IFFO1: variants seen among roughly 807,000 people sequenced by gnomAD.
IFFO1 encodes intermediate filament family orphan 1.
IFFO1 carries 42 observed loss-of-function variants against 59.6 expected under a neutral mutation model. The ratio of observed to expected loss-of-function variants is 0.70; its 90% CI spans 0.55 to 0.91. IFFO1 has a LOEUF of 0.91. IFFO1 is among the 40% of genes least tolerant of loss of function. IFFO1 has a pLI of 0.00. For synonymous variants in IFFO1, 336 were observed against 342.8 expected (o/e 0.98, Z 0.22); for missense variants, 711 against 793.2 (o/e 0.90, Z 1.24).
intron 8 of IFFO1, chr12:6,543,444 T>C (rs1387526515): frequency 6.6e-6 from 1 of 152,216 alleles, no homozygotes; most frequent in Admixed American, 6.5e-5. Flanking sequence ...GCGGCGGCAT[T>C]AGATTCTCAC....
chr12:6,540,519 G>A lies in IFFO1; in HGVS notation c.1680C>T (p.Ser560=), dbSNP rs201420908. 1.2e-5 allele frequency: 20 copies of A among 1,613,964 alleles called. No individual in the cohort carries two copies. The highest frequency in any genetic ancestry group is 6.8e-6 in the Non-Finnish European group (8 of 1,180,036). Reference sequence around the variant, plus strand: ...AGCTGTCAGATGAGACATCGCGATCGGAGTCCTCAGCCTCGCTTGGCGGCG... The same window carrying A: ...AGCTGTCAGATGAGACATCGCGATCAGAGTCCTCAGCCTCGCTTGGCGGCG... ...PPPPPSEAED[S]DRDVSSDSSM... The change falls in exon 10 of 10, where the codon TCC becomes TCT. Residue 560 remains serine, a synonymous_variant. Transcript: ENST00000619571.
intron 1 of IFFO1, chr12:6,551,667 T>C (rs1249099952): frequency 4.9e-6 from 2 of 408,872 alleles, no homozygotes. Flanking sequence ...CACAGCAGCA[T>C]GACAGCAGTG....
chr12:6,549,680 C>A lies in IFFO1; in HGVS notation c.1071+76G>T. ...CTCCCCAAGCAGGAGGCAGGGCCTG[C>A]GTTCCAGGCCAGCCGCCACGGAAGC... On this transcript the variant is annotated intron_variant, in intron 4 of 9. Coordinates refer to ENST00000619571, the MANE Select transcript of IFFO1 (RefSeq NM_001193457.2). The surrounding 1 kb of genome is among the most constrained non-coding windows in gnomAD (Gnocchi z 5.0). 2 of 1,534,610 alleles carry A rather than the reference C, an allele frequency of 1.3e-6. No individual in the cohort carries two copies. Among genetic ancestry groups the A allele is most frequent in the Non-Finnish European group, 1.8e-6 (2 of 1,122,678 alleles).
Position 6,541,788 on chromosome 12 carries a change from A to C in IFFO1, c.1480-146T>G, listed in dbSNP as rs1435159447. On this transcript the variant is annotated intron_variant, in intron 8 of 9. Coordinates refer to ENST00000619571, the MANE Select transcript of IFFO1 (RefSeq NM_001193457.2). This position sits in a 1 kb window ranked among gnomAD's most constrained non-coding sequence, Gnocchi z 4.8. ...TACTGAAGGCTCAGATTTTAAAATA[A>C]ACCAGACCAAGGCAGAAGGCAGCGA... The C allele has an allele frequency of 2.2e-6, 2 of 925,496 alleles. No individual in the cohort carries two copies. Among genetic ancestry groups the C allele is most frequent in the Non-Finnish European group, 3.3e-6 (2 of 609,020 alleles). The allele number at this position is 925,496 out of a possible 1,614,324, so 57.3% of individuals were successfully genotyped here.
rs1592215530 is a variant in IFFO1 at position 6,548,951 on chromosome 12, G to C, written c.1081-102C>G. On this transcript the variant is annotated intron_variant, in intron 5 of 9. Transcript: ENST00000619571. This position sits in a 1 kb window ranked among gnomAD's most constrained non-coding sequence, Gnocchi z 6.1. ...GAAGCATGAACCAGTAGGAAGGGGG[G>C]GCAGACAGAGAGAAAAGTCACAGTT... is the stretch of plus-strand genomic sequence containing the variant. 1.1e-6 allele frequency: 1 copy of C among 935,318 alleles called. No individual in the cohort carries two copies. The highest frequency in any genetic ancestry group is 2.5e-5 in the Admixed American group (1 of 39,770). 57.9% of individuals were successfully genotyped at this position (935,318 alleles called of 1,614,324 possible).
In IFFO1 at chr12:6,542,727, T is replaced by C. The variant is rs1037469954; in HGVS notation, c.1480-1085A>G. Among the ~76,000 whole-genome samples the C allele has an allele frequency of 3.3e-5, 5 of 152,084 alleles. No homozygotes were observed. In the East Asian group the frequency reaches 5.8e-4, roughly 18 times the overall value. ...ATCCACAGCTGGGGCCCCACAGTAG[T>C]GGGAGGAGCAGGACACGGTGACTGT... On this transcript the variant is annotated intron_variant, in intron 8 of 9. Coordinates refer to ENST00000619571, the MANE Select transcript of IFFO1 (RefSeq NM_001193457.2).
chr12:6,540,434 G>A lies in IFFO1; in HGVS notation c.*49C>T, dbSNP rs991405270. The A allele has an allele frequency of 2.1e-6, 3 of 1,462,670 alleles. No individual in the cohort carries two copies. The highest frequency in any genetic ancestry group is 2.3e-5 in the South Asian group (2 of 88,084). 90.6% of individuals were successfully genotyped at this position (1,462,670 alleles called of 1,614,324 possible). On this transcript the variant is annotated 3_prime_UTR_variant, in exon 10 of 10. Coordinates refer to ENST00000619571, the MANE Select transcript of IFFO1 (RefSeq NM_001193457.2). ...TCTGTGCAGCCCCACCCTCTGCCTC[G>A]CTGAGCTCCCTGCTGCGAGGGCCTC...
At position 6,541,519 on chromosome 12, in the gene IFFO1, C is replaced by T. The variant is rs2136090693; in HGVS notation, c.1603G>A (p.Gly535Arg). The T allele has an allele frequency of 6.2e-7, 1 of 1,613,922 alleles. No individual in the cohort carries two copies. The highest frequency in any genetic ancestry group is 2.2e-5 in the East Asian group (1 of 44,888). Residue 535 changes from glycine (G) to arginine (R), a missense_variant, in exon 9 of 10, where the codon GGA (glycine) becomes AGA (arginine). Physicochemically the swap from Gly to Arg is moderately radical, Grantham distance 125 (BLOSUM62 -2). Coordinates refer to ENST00000619571, the MANE Select transcript of IFFO1 (RefSeq NM_001193457.2). This position sits in a 1 kb window ranked among gnomAD's most constrained non-coding sequence, Gnocchi z 4.8. The stretch of plus-strand genomic sequence containing the variant: ...CCCAGGGGAGGCGCCTACCGGTCTC[C>T]AGACTGGGTGATGAGCCGGCGGCAG... Reference protein sequence around the residue: ...ETCRRLITQSGDRKSPAFTAV... With the variant: ...ETCRRLITQSRDRKSPAFTAV...
intron 1 of IFFO1, among the ~76,000 whole-genome samples, chr12:6,553,031 C>A (rs1947301055): frequency 2.0e-5 from 3 of 152,166 alleles, no homozygotes; most frequent in African/African-American, 4.8e-5. Flanking sequence ...AGGTCACGCA[C>A]AAGGCAGGGG....
intron 8 of IFFO1, among the ~76,000 whole-genome samples, chr12:6,545,396 A>G (rs1474990795): frequency 1.3e-5 from 2 of 151,632 alleles, no homozygotes; most frequent in East Asian, 3.9e-4. Flanking sequence ...GAGTGGCCTG[A>G]TAAAATCTCA....
At position 6,555,275 on chromosome 12, in the gene IFFO1, C is replaced by T; in HGVS notation, c.755G>A (p.Arg252Gln). Residue 252 changes from arginine (R) to glutamine (Q), a missense_variant, in exon 1 of 10, where the codon CGG becomes CAG. By Grantham distance (43) the Arg-to-Gln change is conservative. Coordinates refer to ENST00000619571, the MANE Select transcript of IFFO1 (RefSeq NM_001193457.2). The surrounding 1 kb of genome is among the most constrained non-coding windows in gnomAD (Gnocchi z 8.6). ...TCCCTACCTCCGCTTGTACTCGTCCCGCTCCCGCTTCACTTTGGCCAGCAC... is the reference window on the plus strand; with the variant it reads ...TCCCTACCTCCGCTTGTACTCGTCCTGCTCCCGCTTCACTTTGGCCAGCAC... ...YNVLAKVKRE[R>Q]DEYKRRWEEE... The T allele has an allele frequency of 6.2e-7, 1 of 1,614,194 alleles. No individual in the cohort carries two copies. The highest frequency in any genetic ancestry group is 8.5e-7 in the Non-Finnish European group (1 of 1,180,018).
Position 6,550,005 on chromosome 12 carries a change from T to C in IFFO1, c.931-109A>G. Reference sequence around the variant, plus strand: ...TCCCACCACATTGCACCGGTGCCTCTTCTGTGGAGTCTCCCTGAGCTGACT... The same window carrying C: ...TCCCACCACATTGCACCGGTGCCTCCTCTGTGGAGTCTCCCTGAGCTGACT... On this transcript the variant is annotated intron_variant, in intron 3 of 9. Transcript: ENST00000619571. The C allele has an allele frequency of 2.5e-6, 3 of 1,202,998 alleles. No individual in the cohort carries two copies. In the South Asian group the frequency reaches 4.4e-5, roughly 18 times the overall value. 74.5% of individuals were successfully genotyped at this position (1,202,998 alleles called of 1,614,324 possible).
chr12:6,551,847 G>T lies in IFFO1; in HGVS notation c.774-846C>A, dbSNP rs112380355. 123 of 292,934 alleles carry T rather than the reference G, an allele frequency of 4.2e-4. 1 individual carries two copies. Among genetic ancestry groups the T allele is most frequent in the Admixed American group, 1.7e-3 (38 of 22,908 alleles). The allele number at this position is 292,934 out of a possible 1,614,324, so 18.1% of individuals were successfully genotyped here. On this transcript the variant is annotated intron_variant, in intron 1 of 9. Transcript: ENST00000619571. Reference sequence around the variant, plus strand: ...GGCCGGACGACACCCTGGGCCACAGGGCAGGGTCCTAGGTAGGGCATGCTT... The same window carrying T: ...GGCCGGACGACACCCTGGGCCACAGTGCAGGGTCCTAGGTAGGGCATGCTT...
rs369387110 is a variant in IFFO1, at chr12:6,548,524, G to A, written c.1284C>T (p.Asp428=). The A allele has an allele frequency of 1.2e-5, 20 of 1,613,654 alleles. No individual in the cohort carries two copies. Among genetic ancestry groups the A allele is most frequent in the South Asian group, 2.2e-5 (2 of 91,064 alleles). The part of the protein sequence containing the change: ...LNQLREYDFE[D]DCDSLTWEET... Reference sequence around the variant, plus strand: ...CCTCCCAAGTCAGGCTGTCACAGTCGTCCTCAAAATCATACTCCCTCCTAG... The same window carrying A: ...CCTCCCAAGTCAGGCTGTCACAGTCATCCTCAAAATCATACTCCCTCCTAG... Residue 428 remains aspartate, a synonymous_variant, in exon 7 of 10, where the codon GAC becomes GAT. Transcript: ENST00000619571. This position sits in a 1 kb window ranked among gnomAD's most constrained non-coding sequence, Gnocchi z 6.1.
Position 6,555,684 on chromosome 12 carries a change from G to A in IFFO1, c.346C>T (p.Arg116Trp), listed in dbSNP as rs202133635. ...QQALEEGKQG[R>W]RGLGRRDQAV... Reference sequence around the variant, plus strand: ...TGGTCGCGACGACCCAGGCCCCGCCGGCCCTGCTTACCCTCCTCCAGCGCT... The same window carrying A: ...TGGTCGCGACGACCCAGGCCCCGCCAGCCCTGCTTACCCTCCTCCAGCGCT... The change falls in exon 1 of 10, where the codon CGG becomes TGG. Residue 116 changes from arginine (R) to tryptophan (W), a missense_variant. Physicochemically the swap from Arg to Trp is moderately radical, Grantham distance 101. This residue lies in a region of IFFO1 where 579 missense variants were observed against 650.3 expected (regional missense o/e 0.89). Transcript: ENST00000619571. This position sits in a 1 kb window ranked among gnomAD's most constrained non-coding sequence, Gnocchi z 8.6. 110 of 1,609,630 alleles carry A rather than the reference G, an allele frequency of 6.8e-5. 1 individual carries two copies. The Admixed American group carries it at 8.0e-4, about 12-fold the overall frequency.
At position 6,549,603 on chromosome 12, in the gene IFFO1, T is replaced by C; in HGVS notation, c.1072-119A>G. On this transcript the variant is annotated intron_variant, in intron 4 of 9. Coordinates refer to ENST00000619571, the MANE Select transcript of IFFO1 (RefSeq NM_001193457.2). The surrounding 1 kb of genome is among the most constrained non-coding windows in gnomAD (Gnocchi z 5.0). ...GCTTCCACGATGCCCCTCCTGATGC[T>C]GCTCCTTACCCCCCAGTCTAGCCCC... The C allele has an allele frequency of 7.5e-7, 1 of 1,337,730 alleles. No homozygotes were observed. Among genetic ancestry groups the C allele is most frequent in the Non-Finnish European group, 1.1e-6 (1 of 940,476 alleles). The allele number at this position is 1,337,730 out of a possible 1,614,324, so 82.9% of individuals were successfully genotyped here. A position where few individuals can be genotyped will look rare whatever the true frequency, so the allele number is the denominator to read the frequency against.
chr12:6,540,914 C>A (rs1232783647), intron 9 of IFFO1, among the ~76,000 whole-genome samples: 1 of 152,018 alleles, frequency 6.6e-6, no homozygotes, highest in Non-Finnish European at 1.5e-5. Flanking sequence ...CATGGTGAAA[C>A]CCCATCTCTA....
intron 1 of IFFO1, among the ~76,000 whole-genome samples, chr12:6,554,475 G>A (rs2136148538): frequency 6.6e-6 from 1 of 152,308 alleles, no homozygotes; most frequent in East Asian, 1.9e-4. Flanking sequence ...CTTGGGGCCG[G>A]GCTCCTCTCA....
Position 6,541,467 on chromosome 12 carries a change from C to G in IFFO1, c.1610+45G>C, listed in dbSNP as rs556436181. The G allele has an allele frequency of 5.0e-6, 8 of 1,607,430 alleles. No homozygotes were observed. In the African/African-American group the frequency reaches 6.7e-5, roughly 13 times the overall value. On this transcript the variant is annotated intron_variant, in intron 9 of 9. Coordinates refer to ENST00000619571, the MANE Select transcript of IFFO1 (RefSeq NM_001193457.2). The surrounding 1 kb of genome is among the most constrained non-coding windows in gnomAD (Gnocchi z 4.8). ...GGGGCTGTGTTCCAACCTTTCTCCC[C>G]GCTGTGTCCCCCTGGAAGGCCCCAT...
Sources: gnomAD v4.1 joint callset for allele counts (sites outside exome capture counted in the v4.1 genomes callset) on GRCh38, gnomAD v4.1.1 for gene constraint, gnomAD v4.1.1 regional missense constraint, Gnocchi (gnomAD v3.1) non-coding constraint, MANE v1.5 for transcripts, NCBI Gene and HGNC (gene_info 2026-07-23, HGNC 2026-07-21) for gene names.